The following CERS6 variants were observed in gnomAD, a reference collection of about 807,000 sequenced individuals.
The protein encoded by CERS6 is ceramide synthase 6.
CERS6 carries 26 observed loss-of-function variants against 56.8 expected under a neutral mutation model. The ratio of observed to expected loss-of-function variants is 0.46; its 90% confidence interval spans 0.34 to 0.63. The LOEUF (loss-of-function observed/expected upper bound fraction) is 0.63, where lower values mean the gene tolerates loss of function less well. Among genes scored for constraint, CERS6 ranks in the 30% least tolerant of loss-of-function variants. CERS6 has a pLI of 0.01. For synonymous variants in CERS6, 164 were observed against 173.3 expected, an observed-to-expected ratio of 0.95 and a Z score of 0.42; for missense variants, 415 against 467.5, an observed-to-expected ratio of 0.89 and a Z score of 1.04.
At chr2:168,685,429 T>C (rs1463487968) in intron 4 of CERS6, among the ~76,000 whole-genome samples, 1 of 152,198 alleles carries the variant, frequency 6.6e-6, no homozygotes, top group South Asian at 2.1e-4. Flanking sequence ...TCAGATATCC[T>C]TTTCTCTGGT....
At chr2:168,721,548 GTTTTTGTTTT>G (rs1687366029) in intron 8 of CERS6, among the ~76,000 whole-genome samples, 1 of 20,268 alleles carries the variant, frequency 4.9e-5, no homozygotes, top group African/African-American at 1.1e-4. Flanking sequence ...TTTAGTTTTT[GTTTTTGTTTT>G]TTTTTTTGTT....
At chr2:168,599,894 G>A (rs866719180) in intron 3 of CERS6, among the ~76,000 whole-genome samples, 2 of 152,208 alleles carry the variant, frequency 1.3e-5, no homozygotes, top group Admixed American at 1.3e-4. Flanking sequence ...TACACTAGTA[G>A]TAAGCATAAG....
intron 8 of CERS6, among the ~76,000 whole-genome samples, chr2:168,759,812 A>G (rs1416880703): frequency 1.3e-5 from 2 of 152,264 alleles, no homozygotes; most frequent in East Asian, 3.9e-4. Context: ...AAGATACTTA[A>G]GGCCATACCC....
At chr2:168,593,300 T>G (rs1161831749) in intron 3 of CERS6, among the ~76,000 whole-genome samples, 1 of 152,220 alleles carries the variant, frequency 6.6e-6, no homozygotes, top group East Asian at 1.9e-4. Flanking sequence ...TGTGGATATA[T>G]TGGGGCCATT....
intron 3 of CERS6, among the ~76,000 whole-genome samples, chr2:168,562,050 G>A (rs577216436): frequency 6.6e-6 from 1 of 152,266 alleles, no homozygotes; most frequent in African/African-American, 2.4e-5. Context: ...ACCCTATGTG[G>A]TCTTCATCTT....
chr2:168,582,398 C>T (rs1402229855), intron 3 of CERS6, among the ~76,000 whole-genome samples: 2 of 152,040 alleles, frequency 1.3e-5, no homozygotes, highest in South Asian at 2.1e-4. Flanking sequence ...GATTTTTATC[C>T]TGAGAGCTTC....
chr2:168,456,420 T>C lies in CERS6; in HGVS notation c.-29T>C. On this transcript the variant is annotated 5_prime_UTR_variant, in exon 1 of 10. Transcript: ENST00000305747. The surrounding 1 kb of genome is among the most constrained non-coding windows in gnomAD (Gnocchi z 4.1). ...GGTGGAGAGCTTGGCGGGCTGCGGG[T>C]GCCGCAGGACAGGAGTGGACAAAGC... 6.5e-7 allele frequency: 1 copy of C among 1,540,024 alleles called. No homozygotes were observed. The highest frequency in any genetic ancestry group is 8.8e-7 in the Non-Finnish European group (1 of 1,140,358).
intron 2 of CERS6, among the ~76,000 whole-genome samples, chr2:168,553,362 G>A (rs1290034711): frequency 2.0e-5 from 3 of 152,094 alleles, no homozygotes; most frequent in Non-Finnish European, 2.9e-5. Flanking sequence ...ATTTTAATAT[G>A]TTAATAAAAA....
At chr2:168,758,961 T>C (rs1335039112) in intron 8 of CERS6, among the ~76,000 whole-genome samples, 1 of 152,168 alleles carries the variant, frequency 6.6e-6, no homozygotes, top group African/African-American at 2.4e-5. Flanking sequence ...AAAAAAAGAT[T>C]GTGAACTGTT....
intron 3 of CERS6, among the ~76,000 whole-genome samples, chr2:168,614,516 G>C (rs1684268984): frequency 6.6e-6 from 1 of 152,174 alleles, no homozygotes; most frequent in African/African-American, 2.4e-5. Context: ...AAACAAACTT[G>C]GTGCTGTTGT....
At chr2:168,756,599 C>A (rs1684422184) in intron 8 of CERS6, among the ~76,000 whole-genome samples, 1 of 152,006 alleles carries the variant, frequency 6.6e-6, no homozygotes, top group Non-Finnish European at 1.5e-5. Context: ...GCTTATGAGC[C>A]CAAGGGATAA....
chr2:168,736,874 ACT>A (rs1269673773), intron 8 of CERS6, among the ~76,000 whole-genome samples: 1 of 151,422 alleles, frequency 6.6e-6, no homozygotes, highest in Admixed American at 6.6e-5. Context: ...CTTCCCCTTT[ACT>A]CTCATGCTAC....
At chr2:168,475,751 A>G (rs1029288252) in intron 1 of CERS6, among the ~76,000 whole-genome samples, 1 of 152,202 alleles carries the variant, frequency 6.6e-6, no homozygotes, top group Non-Finnish European at 1.5e-5. Context: ...ACATTGGCTC[A>G]TAGGTCAGGC....
intron 4 of CERS6, among the ~76,000 whole-genome samples, chr2:168,666,469 A>G (rs56000823): frequency 0.068 from 10,422 of 152,208 alleles, 437 homozygotes; most frequent in Non-Finnish European, 0.092. Flanking sequence ...AGCTTCTTCC[A>G]TGTCTGTTTT....
At chr2:168,661,214 A>G (rs1024731155) in intron 4 of CERS6, among the ~76,000 whole-genome samples, 3 of 152,206 alleles carry the variant, frequency 2.0e-5, no homozygotes, top group Non-Finnish European at 2.9e-5. Flanking sequence ...CCTAAGAATG[A>G]ACATGTTAGG....
chr2:168,587,746 GATTA>G (rs1195119289), intron 3 of CERS6, among the ~76,000 whole-genome samples: 5 of 151,268 alleles, frequency 3.3e-5, no homozygotes, highest in African/African-American at 1.2e-4. Flanking sequence ...TATATAATAT[GATTA>G]ATATATAATA....
At chr2:168,714,390 C>T (rs1440131523) in intron 6 of CERS6, among the ~76,000 whole-genome samples, 1 of 152,198 alleles carries the variant, frequency 6.6e-6, no homozygotes, top group African/African-American at 2.4e-5. Context: ...TTCCTCTGAC[C>T]TTAACCTACT....
intron 1 of CERS6, among the ~76,000 whole-genome samples, chr2:168,508,956 C>A (rs902891103): frequency 6.6e-6 from 1 of 152,076 alleles, no homozygotes; most frequent in Non-Finnish European, 1.5e-5. Context: ...CTTTAGGTGA[C>A]TTTTTATGTC....
intron 1 of CERS6, among the ~76,000 whole-genome samples, chr2:168,484,861 G>T (rs1317593919): frequency 1.3e-5 from 2 of 152,062 alleles, no homozygotes; most frequent in Admixed American, 1.3e-4. Context: ...ATGTGAAGAG[G>T]GCTGTTTCCA....
Sources: gnomAD v4.1 joint callset for allele counts (sites outside exome capture counted in the v4.1 genomes callset) on GRCh38, gnomAD v4.1.1 for gene constraint, Gnocchi (gnomAD v3.1) non-coding constraint, MANE v1.5 for transcripts, NCBI Gene and HGNC (gene_info 2026-07-23, HGNC 2026-07-21) for gene names.